The following XKR4 variants were observed in gnomAD, a reference collection of about 807,000 sequenced individuals.
The protein encoded by XKR4 is XK-related protein 4.
XKR4 carries 12 observed loss-of-function variants against 53.9 expected under a neutral mutation model. The observed-to-expected ratio is 0.22, with a 90% CI of 0.14 to 0.36. The LOEUF is 0.36. Ranked by LOEUF, XKR4 falls within the 10% of genes least tolerant of loss-of-function variation. The pLI is 1.00. For synonymous variants in XKR4, 354 were observed against 362.4 expected, an observed-to-expected ratio of 0.98 and a Z score of 0.26; for missense variants, 799 against 859.5, an observed-to-expected ratio of 0.93 and a Z score of 0.88.
At chr8:55,459,580 T>G (rs367634276) in intron 2 of XKR4, among the ~76,000 whole-genome samples, 2 of 152,070 alleles carry the variant, frequency 1.3e-5, no homozygotes, top group Non-Finnish European at 2.9e-5. Context: ...AACTCAATAA[T>G]ATAACAAACA....
chr8:55,475,579 C>CTTTTTTAT (rs1309832560), intron 2 of XKR4, among the ~76,000 whole-genome samples: 1 of 137,364 alleles, frequency 7.3e-6, no homozygotes. Context: ...ACCATGCTCA[C>CTTTTTTAT]TTATTTATTT....
intron 1 of XKR4, among the ~76,000 whole-genome samples, chr8:55,352,486 A>C (rs1241910295): frequency 6.6e-6 from 1 of 152,186 alleles, no homozygotes; most frequent in Non-Finnish European, 1.5e-5. Flanking sequence ...GGCAGTGGGG[A>C]GTCATTGAGG....
At chr8:55,449,818 A>G in intron 2 of XKR4, 1 of 1,201,086 alleles carries the variant, frequency 8.3e-7, no homozygotes, top group Non-Finnish European at 1.2e-6. Context: ...TCTTGTACAG[A>G]GTGCCCTCGT....
chr8:55,414,682 T>C (rs1437258360), intron 2 of XKR4, among the ~76,000 whole-genome samples: 2 of 151,966 alleles, frequency 1.3e-5, no homozygotes, highest in African/African-American at 4.8e-5. Flanking sequence ...CTAGGGACCA[T>C]TTAAGAGGCA....
intron 2 of XKR4, chr8:55,450,239 A>G: frequency 1.5e-6 from 1 of 648,312 alleles, no homozygotes; most frequent in Non-Finnish European, 2.7e-6. Context: ...CCTCCGTCAA[A>G]CCGTTCTTCC....
At chr8:55,198,226 G>T (rs1235381705) in intron 1 of XKR4, among the ~76,000 whole-genome samples, 2 of 152,140 alleles carry the variant, frequency 1.3e-5, no homozygotes, top group African/African-American at 4.8e-5. Context: ...TAATATCTGC[G>T]CTACCCTGAT....
At chr8:55,278,086 G>A (rs760235923) in intron 1 of XKR4, among the ~76,000 whole-genome samples, 6 of 152,144 alleles carry the variant, frequency 3.9e-5, no homozygotes, top group Non-Finnish European at 8.8e-5. Context: ...TATAATCCCA[G>A]CACTTTGGGA....
intron 1 of XKR4, among the ~76,000 whole-genome samples, chr8:55,147,157 C>T (rs1180517889): frequency 6.6e-6 from 1 of 152,044 alleles, no homozygotes; most frequent in African/African-American, 2.4e-5. Flanking sequence ...TATTTTATTC[C>T]AGTAAATGTG....
chr8:55,231,784 A>G (rs1194364710), intron 1 of XKR4, among the ~76,000 whole-genome samples: 1 of 152,170 alleles, frequency 6.6e-6, no homozygotes, highest in Non-Finnish European at 1.5e-5. Flanking sequence ...AGAGTGGGCA[A>G]TCCCTCCTGC....
intron 1 of XKR4, among the ~76,000 whole-genome samples, chr8:55,229,632 T>C (rs1160199239): frequency 6.6e-6 from 1 of 152,244 alleles, no homozygotes; most frequent in African/African-American, 2.4e-5. Context: ...CACTTTCACT[T>C]GTCTCCTTCA....
intron 1 of XKR4, among the ~76,000 whole-genome samples, chr8:55,254,797 A>G (rs1411834170): frequency 6.6e-6 from 1 of 152,186 alleles, no homozygotes; most frequent in Admixed American, 6.5e-5. Flanking sequence ...GATTTCCCAC[A>G]GGTTCGAACT....
chr8:55,493,641 T>C (rs1294141616), intron 2 of XKR4, among the ~76,000 whole-genome samples: 2 of 152,240 alleles, frequency 1.3e-5, no homozygotes, highest in African/African-American at 4.8e-5. Flanking sequence ...TTGAAAAGCC[T>C]GACACATAGG....
intron 1 of XKR4, among the ~76,000 whole-genome samples, chr8:55,257,154 C>T (rs2129370568): frequency 6.6e-6 from 1 of 152,238 alleles, no homozygotes; most frequent in African/African-American, 2.4e-5. Flanking sequence ...ATGCACACAG[C>T]TTCATAATGT....
rs1804219353 is a variant in XKR4, at chr8:55,380,724, C to T, written c.1006+22847C>T. Among the ~76,000 whole-genome samples, 4 of 152,266 alleles carry T rather than the reference C, an allele frequency of 2.6e-5. No homozygotes were observed. In the South Asian group the frequency reaches 6.2e-4, roughly 24 times the overall value. ...CACCAAAAGAAGTGCCTCTTATCAA[C>T]TCACCCTGTGTGTTTCTAGGACAGG... On this transcript the variant is annotated intron_variant, in intron 2 of 2. Transcript: ENST00000327381.
intron 1 of XKR4, among the ~76,000 whole-genome samples, chr8:55,287,931 C>T (rs1305914516): frequency 2.0e-5 from 3 of 152,210 alleles, no homozygotes; most frequent in Non-Finnish European, 4.4e-5. Flanking sequence ...TTACTTTGCA[C>T]AAGACATATC....
chr8:55,523,290 C>T lies in XKR4; in HGVS notation c.1016C>T (p.Ala339Val), dbSNP rs765175807. ...HSLQALQGFTAAASLVSLAWA... is the reference protein window; with the variant it reads ...HSLQALQGFTVAASLVSLAWA... ...CTGTTTGCCTTTGTAGGTTTCACAG[C>T]GGCAGCTTCCCTCGTGTCCCTGGCC... The change falls in exon 3 of 3, where the codon GCG (alanine) becomes GTG (valine). Residue 339 changes from alanine to valine, a missense_variant. Ala to Val is a moderately conservative substitution (Grantham distance 64). Coordinates refer to ENST00000327381, the MANE Select transcript of XKR4 (RefSeq NM_052898.2). The T allele has an allele frequency of 4.1e-5, 66 of 1,599,228 alleles. No homozygotes were observed. Among genetic ancestry groups the T allele is most frequent in the South Asian group, 1.4e-4 (12 of 88,800 alleles).
chr8:55,319,853 GA>G (rs1369192805), intron 1 of XKR4, among the ~76,000 whole-genome samples: 1 of 152,194 alleles, frequency 6.6e-6, no homozygotes, highest in Non-Finnish European at 1.5e-5. Context: ...GGCAGTGGTA[GA>G]AATGAAATTC....
In XKR4 at chr8:55,495,649, T is replaced by C. The variant is rs547150963; in HGVS notation, c.1007-27632T>C. On this transcript the variant is annotated intron_variant, in intron 2 of 2. Transcript: ENST00000327381. ...AGGCCCTCCCCACAGTGGCGGTGGA[T>C]GATAGTAGTGACGTAGGGCCAGGGT... 3.7e-3 allele frequency among the ~76,000 whole-genome samples: 557 copies of C among 152,268 alleles called. 5 individuals carry two copies. Among genetic ancestry groups the C allele is most frequent in the African/African-American group, 0.013 (521 of 41,556 alleles).
chr8:55,523,481 A>G lies in XKR4; in HGVS notation c.1207A>G (p.Ile403Val), dbSNP rs772390690. 4 of 1,614,024 alleles carry G rather than the reference A, an allele frequency of 2.5e-6. No individual in the cohort carries two copies. The highest frequency in any genetic ancestry group is 3.4e-6 in the Non-Finnish European group (4 of 1,180,002). ...FASVFQLYFG[I>V]FIVLHWCIMT... Reference sequence around the variant, plus strand: ...CTCGGTTTTCCAGCTGTACTTTGGGATCTTCATCGTCCTTCACTGGTGCAT... The same window carrying G: ...CTCGGTTTTCCAGCTGTACTTTGGGGTCTTCATCGTCCTTCACTGGTGCAT... The change falls in exon 3 of 3, where the codon ATC (isoleucine) becomes GTC (valine). Residue 403 changes from isoleucine (I) to valine (V), a missense_variant. Coordinates refer to ENST00000327381, the MANE Select transcript of XKR4 (RefSeq NM_052898.2).
Sources: gnomAD v4.1 joint callset for allele counts (sites outside exome capture counted in the v4.1 genomes callset) on GRCh38, gnomAD v4.1.1 for gene constraint, MANE v1.5 for transcripts, NCBI Gene and HGNC (gene_info 2026-07-23, HGNC 2026-07-21) for gene names.